Variants in RAB11FIP1 observed in about 807,000 individuals in gnomAD.
RAB11FIP1 encodes the protein rab11 family-interacting protein 1.
A neutral mutation model predicts 83.1 loss-of-function variants in RAB11FIP1; 49 were observed. The observed-to-expected ratio is 0.59, with a 90% CI of 0.47 to 0.75. RAB11FIP1 has a LOEUF of 0.75. Among genes scored for constraint, RAB11FIP1 ranks in the 30% least tolerant of loss-of-function variants. The pLI, the probability that RAB11FIP1 is intolerant of heterozygous loss-of-function variation, is 0.00. For missense variants in RAB11FIP1, 1,536 were observed against 1,598.7 expected (o/e 0.96, Z 0.67); for synonymous variants, 670 against 656.0 (o/e 1.02, Z -0.33).
chr8:37,873,294 G>T, intron 3 of RAB11FIP1, 115 bp from the exon 4 acceptor site: 1 of 1,200,306 alleles, frequency 8.3e-7, no homozygotes, highest in Non-Finnish European at 1.1e-6. Context: ...ACGTGGGGCA[G>T]TACCTTAAGA....
intron 1 of RAB11FIP1, among the ~76,000 whole-genome samples, chr8:37,888,051 C>A (rs902698145): frequency 3.3e-5 from 5 of 152,330 alleles, no homozygotes; most frequent in African/African-American, 1.2e-4. Flanking sequence ...TTGAAGGGAA[C>A]AGAAATGACT....
chr8:37,866,190 C>A (rs1292312493), intron 5 of RAB11FIP1, among the ~76,000 whole-genome samples: 1 of 152,028 alleles, frequency 6.6e-6, no homozygotes, highest in Admixed American at 6.6e-5. Flanking sequence ...AAAAAATTAT[C>A]CAGGCATGGT....
At chr8:37,866,800 A>G (rs1806349857) in intron 5 of RAB11FIP1, among the ~76,000 whole-genome samples, 1 of 152,192 alleles carries the variant, frequency 6.6e-6, no homozygotes, top group African/African-American at 2.4e-5. Flanking sequence ...CTTTATAAAT[A>G]CTGTCTTGTG....
intron 1 of RAB11FIP1, among the ~76,000 whole-genome samples, chr8:37,885,195 G>A (rs979945506): frequency 2.8e-4 from 42 of 149,998 alleles, no homozygotes; most frequent in Middle Eastern, 3.6e-3. Context: ...GGGTTTCACC[G>A]TGATGGCCAG....
intron 1 of RAB11FIP1, among the ~76,000 whole-genome samples, chr8:37,879,440 G>A (rs536640679): frequency 5.9e-5 from 9 of 152,316 alleles, no homozygotes; most frequent in East Asian, 1.9e-4. Context: ...GGTGATTGCC[G>A]GAGGAGGGGA....
At chr8:37,882,956 G>A (rs1036980305) in intron 1 of RAB11FIP1, among the ~76,000 whole-genome samples, 3 of 152,222 alleles carry the variant, frequency 2.0e-5, no homozygotes, top group East Asian at 3.9e-4. Context: ...AAATATAAAC[G>A]TCACCAACTG....
rs115499937 is a variant in RAB11FIP1 at position 37,863,129 on chromosome 8, A to T, written c.3634-16T>A. ...GGCTGTATTTCTTTGGAGGGGGGGA[A>T]ATAGTTGGGAAAAAGGAGTTATAAA... is the stretch of plus-strand genomic sequence containing the variant. On this transcript the variant is annotated splice_polypyrimidine_tract_variant and intron_variant, in intron 5 of 5. Coordinates refer to ENST00000330843, the MANE Select transcript of RAB11FIP1 (RefSeq NM_001002814.3). 2 of 1,599,090 alleles carry T rather than the reference A, an allele frequency of 1.3e-6. No individual in the cohort carries two copies. Among genetic ancestry groups the T allele is most frequent in the African/African-American group, 1.3e-5 (1 of 74,508 alleles).
intron 1 of RAB11FIP1, among the ~76,000 whole-genome samples, chr8:37,879,166 G>A (rs1178420168): frequency 2.0e-5 from 3 of 151,868 alleles, no homozygotes; most frequent in South Asian, 2.1e-4. Context: ...AAATTAGCCG[G>A]GCATCATGGC....
intron 1 of RAB11FIP1, 195 bp from the exon 2 acceptor site, chr8:37,877,746 G>A (rs1264760780): frequency 4.3e-6 from 2 of 465,380 alleles, no homozygotes; most frequent in Admixed American, 4.7e-5. Flanking sequence ...TTGACACAGA[G>A]TCTTGCTCTG....
In RAB11FIP1 at chr8:37,878,902, T is replaced by A. The variant is rs545607681; in HGVS notation, c.372-1351A>T. Among the ~76,000 whole-genome samples the A allele has an allele frequency of 2.0e-5, 3 of 151,884 alleles. No individual in the cohort carries two copies. The East Asian group carries it at 5.8e-4, about 29-fold the overall frequency. ...TACTCTCAGCTACTCAACATGAGCC[T>A]AGGAATTCGAGGCTGCAGTGAGCTA... On this transcript the variant is annotated intron_variant, in intron 1 of 5. Transcript: ENST00000330843.
At chr8:37,863,754 C>G (rs566493555) in intron 5 of RAB11FIP1, among the ~76,000 whole-genome samples, 14 of 152,258 alleles carry the variant, frequency 9.2e-5, no homozygotes, top group Non-Finnish European at 1.8e-4. Flanking sequence ...CCTCACAGGT[C>G]GAGGACCTCT....
At chr8:37,884,473 A>G (rs1402925847) in intron 1 of RAB11FIP1, among the ~76,000 whole-genome samples, 1 of 151,992 alleles carries the variant, frequency 6.6e-6, no homozygotes, top group East Asian at 1.9e-4. Context: ...CAGCAGCTTC[A>G]AAGTTCTAGG....
chr8:37,873,166 G>A lies in RAB11FIP1; in HGVS notation c.1636C>T (p.Pro546Ser). 1 of 1,598,678 alleles carries A rather than the reference G, an allele frequency of 6.3e-7. No individual in the cohort carries two copies. Among genetic ancestry groups the A allele is most frequent in the Non-Finnish European group, 8.5e-7 (1 of 1,175,638 alleles). Residue 546 changes from proline to serine, a missense_variant, in exon 4 of 6, where the codon CCA (proline) becomes TCA (serine). Transcript: ENST00000330843. ...RAVKPRLEVS[P>S]EAQPTARLPS... ...AGCCTGGCTGTGGGTTGCGCCTCTG[G>A]AGACACTTCCAGTCTGCAAAAAGGA...
chr8:37,889,644 C>A (rs1164080851), intron 1 of RAB11FIP1, among the ~76,000 whole-genome samples: 2 of 152,218 alleles, frequency 1.3e-5, no homozygotes, highest in Non-Finnish European at 2.9e-5. Context: ...TTCAGCATGA[C>A]TGACATCAGA....
intron 4 of RAB11FIP1, 51 bp downstream of exon 4, chr8:37,871,227 C>G: frequency 6.5e-7 from 1 of 1,540,036 alleles, no homozygotes; most frequent in Non-Finnish European, 8.7e-7. Context: ...AGGTAGGAAG[C>G]AAAGGGGGAC....
chr8:37,869,380 T>C (rs1322933067), intron 5 of RAB11FIP1, among the ~76,000 whole-genome samples: 1 of 151,154 alleles, frequency 6.6e-6, no homozygotes, highest in African/African-American at 2.4e-5. Context: ...TCACCTGAGG[T>C]CAGGAGTTCG....
Position 37,872,385 on chromosome 8 carries a change from T to C in RAB11FIP1, c.2417A>G (p.Lys806Arg), listed in dbSNP as rs770889140. ...LNLRKDQKKT[K>R]KRVSFSEQLF... is the part of the protein sequence containing the mutation. ...CTGCTCAGAAAATGACACACGCTTC[T>C]TGGTTTTCTTCTGGTCCTTGCGGAG... Residue 806 changes from lysine to arginine, a missense_variant, in exon 4 of 6, where the codon AAG becomes AGG. Physicochemically the swap from Lys to Arg is conservative, Grantham distance 26. Transcript: ENST00000330843. 5.0e-6 allele frequency: 8 copies of C among 1,614,230 alleles called. No individual in the cohort carries two copies. Among genetic ancestry groups the C allele is most frequent in the Non-Finnish European group, 6.8e-6 (8 of 1,180,042 alleles).
intron 1 of RAB11FIP1, among the ~76,000 whole-genome samples, chr8:37,888,612 A>G (rs1156745255): frequency 6.6e-6 from 1 of 151,658 alleles, no homozygotes; most frequent in Non-Finnish European, 1.5e-5. Flanking sequence ...CAAAGTAGCT[A>G]GGATTACAGG....
intron 1 of RAB11FIP1, among the ~76,000 whole-genome samples, chr8:37,884,050 A>T (rs1016942787): frequency 5.3e-5 from 8 of 151,872 alleles, no homozygotes; most frequent in Admixed American, 5.2e-4. Context: ...AATTTTATTT[A>T]TTTATTTATT....
Sources: gnomAD v4.1 joint callset for allele counts (sites outside exome capture counted in the v4.1 genomes callset) on GRCh38, gnomAD v4.1.1 for gene constraint, MANE v1.5 for transcripts, NCBI Gene and HGNC (gene_info 2026-07-23, HGNC 2026-07-21) for gene names.